The following RAB38 variants were observed in gnomAD, a reference collection of about 807,000 sequenced individuals.
RAB38 encodes the protein RAB38, member RAS oncogene family.
In RAB38, 15 loss-of-function variants were observed where a neutral mutation model predicts 18.4. The observed-to-expected ratio is 0.82, with a 90% CI of 0.55 to 1.26. The LOEUF (loss-of-function observed/expected upper bound fraction) is 1.26. Ranked by LOEUF, RAB38 falls within the 50% of genes most tolerant of loss-of-function variation. The pLI, the probability that RAB38 is intolerant of heterozygous loss-of-function variation, is 0.00. For missense variants in RAB38, 294 were observed against 267.4 expected, an observed-to-expected ratio of 1.10 and a Z score of -0.69; for synonymous variants, 101 against 104.4, an observed-to-expected ratio of 0.97 and a Z score of 0.20.
chr11:88,051,789 T>C, the RAB38 span, among the ~76,000 whole-genome samples: 4 of 152,140 alleles, frequency 2.6e-5, no homozygotes, highest in Admixed American at 1.3e-4. Flanking sequence ...ATTAGAACCA[T>C]AGGAATAACT....
At chr11:88,130,234 A>G (rs1465543588) in intron 2 of RAB38, among the ~76,000 whole-genome samples, 2 of 152,190 alleles carry the variant, frequency 1.3e-5, no homozygotes, top group Non-Finnish European at 2.9e-5. Context: ...CCCATCTAAA[A>G]GAAGCTAGTT....
At chr11:87,951,324 T>C in the RAB38 span, among the ~76,000 whole-genome samples, 1 of 152,160 alleles carries the variant, frequency 6.6e-6, no homozygotes, top group East Asian at 1.9e-4. Flanking sequence ...TTTAACTTCT[T>C]TGCCATTGGT....
At chr11:88,163,399 A>G (rs2134848156) in intron 1 of RAB38, among the ~76,000 whole-genome samples, 1 of 152,254 alleles carries the variant, frequency 6.6e-6, no homozygotes, top group East Asian at 1.9e-4. Context: ...ATTTACTTTT[A>G]TGCCTACTGA....
chr11:88,096,830 A>G, the RAB38 span, among the ~76,000 whole-genome samples: 1 of 151,846 alleles, frequency 6.6e-6, no homozygotes, highest in Non-Finnish European at 1.5e-5. Context: ...AAAAATATAA[A>G]CAGAAAATAT....
intron 2 of RAB38, among the ~76,000 whole-genome samples, chr11:88,119,169 C>T (rs900102923): frequency 6.6e-6 from 1 of 151,968 alleles, no homozygotes; most frequent in Non-Finnish European, 1.5e-5. Context: ...GTTACCAGGG[C>T]CCTCCTTCCA....
the RAB38 span, among the ~76,000 whole-genome samples, chr11:88,010,732 C>T: frequency 1.3e-5 from 2 of 152,098 alleles, no homozygotes; most frequent in South Asian, 2.1e-4. Context: ...TACTGTTATT[C>T]CTGTTTTATA....
At chr11:87,933,469 T>A in the RAB38 span, among the ~76,000 whole-genome samples, 45 of 152,116 alleles carry the variant, frequency 3.0e-4, no homozygotes, top group Non-Finnish European at 6.3e-4. Context: ...TGGGCACATG[T>A]CTCAAAGTAG....
At chr11:88,017,927 G>A in the RAB38 span, among the ~76,000 whole-genome samples, 34 of 151,640 alleles carry the variant, frequency 2.2e-4, no homozygotes, top group African/African-American at 8.2e-4. Flanking sequence ...TGCTATTCTT[G>A]TCACAGTGAA....
chr11:88,032,829 G>A, the RAB38 span, among the ~76,000 whole-genome samples: 4 of 152,172 alleles, frequency 2.6e-5, no homozygotes, highest in African/African-American at 7.2e-5. Context: ...CGATTCCTCA[G>A]GGATCTAGAA....
chr11:88,005,940 T>G, the RAB38 span, among the ~76,000 whole-genome samples: 30 of 151,782 alleles, frequency 2.0e-4, no homozygotes, highest in Middle Eastern at 3.4e-3. Context: ...AGTTTTATAT[T>G]CTGTTCCATT....
chr11:88,025,835 T>C, the RAB38 span, among the ~76,000 whole-genome samples: 1 of 152,222 alleles, frequency 6.6e-6, no homozygotes, highest in East Asian at 1.9e-4. Context: ...CTGTTTACTC[T>C]ATTGACAGTT....
the RAB38 span, among the ~76,000 whole-genome samples, chr11:88,028,872 T>C: frequency 1.1e-4 from 17 of 151,886 alleles, 1 homozygote; most frequent in South Asian, 1.7e-3. Flanking sequence ...TCAGGAAATA[T>C]AGAGAATGCC....
At chr11:88,039,421 T>A in the RAB38 span, among the ~76,000 whole-genome samples, 2 of 152,094 alleles carry the variant, frequency 1.3e-5, no homozygotes, top group African/African-American at 2.4e-5. Context: ...GAGATTTGCT[T>A]AACAGGTTCC....
intron 1 of RAB38, chr11:88,174,155 A>G: frequency 1.1e-6 from 1 of 908,230 alleles, no homozygotes; most frequent in Non-Finnish European, 1.3e-6. Context: ...ACTCCTTTCC[A>G]CTTAACAGCG....
the RAB38 span, among the ~76,000 whole-genome samples, chr11:87,927,829 G>A: frequency 6.6e-6 from 1 of 152,002 alleles, no homozygotes; most frequent in Admixed American, 6.6e-5. Flanking sequence ...CACTTTAGGA[G>A]GCTGAGGCAG....
the RAB38 span, among the ~76,000 whole-genome samples, chr11:88,071,968 G>C: frequency 6.6e-6 from 1 of 152,150 alleles, no homozygotes; most frequent in Non-Finnish European, 1.5e-5. Context: ...CATGCCCATT[G>C]TAAGTCATAA....
intron 1 of RAB38, among the ~76,000 whole-genome samples, chr11:88,169,466 G>A (rs1023344966): frequency 6.6e-6 from 1 of 152,166 alleles, no homozygotes; most frequent in African/African-American, 2.4e-5. Flanking sequence ...GGCAGTATAG[G>A]TGAGATATTG....
chr11:88,094,467 A>T, the RAB38 span, among the ~76,000 whole-genome samples: 1 of 151,896 alleles, frequency 6.6e-6, no homozygotes, highest in African/African-American at 2.4e-5. Flanking sequence ...TGCTTTCTGT[A>T]AACAATCCTT....
At chr11:87,977,139 T>TA in the RAB38 span, among the ~76,000 whole-genome samples, 6 of 10,902 alleles carry the variant, frequency 5.5e-4, 3 homozygotes, top group Non-Finnish European at 1.0e-3. Context: ...TATAAAATTA[T>TA]ATTATACAAG....
Sources: gnomAD v4.1 joint callset for allele counts (sites outside exome capture counted in the v4.1 genomes callset) on GRCh38, gnomAD v4.1.1 for gene constraint, MANE v1.5 for transcripts, NCBI Gene and HGNC (gene_info 2026-07-23, HGNC 2026-07-21) for gene names.